The following SLC35F3 variants were observed in gnomAD, a reference collection of about 807,000 sequenced individuals.
The protein encoded by SLC35F3 is putative thiamine transporter SLC35F3.
SLC35F3 carries 25 observed loss-of-function variants against 49.9 expected under a neutral mutation model. That is an observed-to-expected ratio of 0.50 (90% CI 0.37 to 0.70). The LOEUF is 0.70. Ranked by LOEUF, SLC35F3 falls within the 30% of genes least tolerant of loss-of-function variation. The pLI is 0.00. For synonymous variants in SLC35F3, 275 were observed against 265.4 expected (o/e 1.04, Z -0.35); for missense variants, 525 against 639.8 (o/e 0.82, Z 1.94).
At chr1:233,941,526 G>A (rs1471880595) in intron 2 of SLC35F3, among the ~76,000 whole-genome samples, 1 of 152,120 alleles carries the variant, frequency 6.6e-6, no homozygotes, top group Admixed American at 6.5e-5. Context: ...TAAAACAGTG[G>A]CTGATACACA....
At chr1:234,290,759 T>G (rs144975467) in intron 3 of SLC35F3, among the ~76,000 whole-genome samples, 1 of 152,344 alleles carries the variant, frequency 6.6e-6, no homozygotes, top group East Asian at 1.9e-4. Flanking sequence ...TTATAGAGGT[T>G]GAGAGACTTG....
intron 2 of SLC35F3, among the ~76,000 whole-genome samples, chr1:234,135,277 C>T (rs1234370746): frequency 6.6e-6 from 1 of 152,130 alleles, no homozygotes; most frequent in Admixed American, 6.5e-5. Context: ...ATAGATACCC[C>T]ATTTACCATG....
intron 2 of SLC35F3, among the ~76,000 whole-genome samples, chr1:234,024,344 C>T (rs1663944633): frequency 6.6e-6 from 1 of 152,138 alleles, no homozygotes; most frequent in Non-Finnish European, 1.5e-5. Flanking sequence ...GGCCAGACAG[C>T]CTTTGTGCCA....
intron 2 of SLC35F3, among the ~76,000 whole-genome samples, chr1:233,923,497 T>C (rs996845271): frequency 6.6e-6 from 1 of 152,242 alleles, no homozygotes; most frequent in Non-Finnish European, 1.5e-5. Flanking sequence ...ACATTGATTT[T>C]GTATCCTGAG....
At chr1:234,052,907 C>T (rs966561223) in intron 2 of SLC35F3, among the ~76,000 whole-genome samples, 3 of 152,102 alleles carry the variant, frequency 2.0e-5, no homozygotes, top group Middle Eastern at 3.2e-3. Context: ...CCAGTAGTCA[C>T]TCAGGAGCAG....
intron 2 of SLC35F3, among the ~76,000 whole-genome samples, chr1:234,153,388 T>C (rs1047609416): frequency 3.3e-5 from 5 of 152,056 alleles, no homozygotes; most frequent in Admixed American, 1.3e-4. Context: ...TTGGGAGGAC[T>C]GTTTGAGGCC....
intron 2 of SLC35F3, among the ~76,000 whole-genome samples, chr1:234,117,590 T>TAAAA (rs34058556): frequency 7.4e-6 from 1 of 135,964 alleles, no homozygotes; most frequent in Admixed American, 7.4e-5. Context: ...AGACCCTGTC[T>TAAAA]AAAAAAAAAA....
At chr1:234,148,681 T>C (rs1666030863) in intron 2 of SLC35F3, among the ~76,000 whole-genome samples, 1 of 152,182 alleles carries the variant, frequency 6.6e-6, no homozygotes, top group South Asian at 2.1e-4. Context: ...TTACAAAGTA[T>C]AGATGGTGGT....
chr1:234,307,766 A>C (rs938039342), intron 3 of SLC35F3, among the ~76,000 whole-genome samples: 1 of 152,296 alleles, frequency 6.6e-6, no homozygotes, highest in Admixed American at 6.5e-5. Flanking sequence ...GCAGTGCAGC[A>C]CCATGTCCAT....
intron 2 of SLC35F3, among the ~76,000 whole-genome samples, chr1:233,925,847 G>A (rs1662148955): frequency 6.6e-6 from 1 of 152,132 alleles, no homozygotes; most frequent in East Asian, 1.9e-4. Context: ...AAATCTCTGA[G>A]CATTTGCTTG....
rs1304135867 is a variant in SLC35F3, at chr1:234,137,467, T to C, written c.284-93950T>C. On this transcript the variant is annotated intron_variant, in intron 2 of 7. Transcript: ENST00000366618. ...ATGGGAAGAGCACATAGAGCTTGTG[T>C]TGGGGGCAGAAGCCAGTCTGTGGGG... Among the ~76,000 whole-genome samples the C allele has an allele frequency of 3.3e-5, 5 of 152,036 alleles. No homozygotes were observed. In the East Asian group the frequency reaches 9.7e-4, roughly 29 times the overall value.
At chr1:234,305,033 G>A (rs182079658) in intron 3 of SLC35F3, among the ~76,000 whole-genome samples, 2 of 152,170 alleles carry the variant, frequency 1.3e-5, no homozygotes, top group African/African-American at 4.8e-5. Flanking sequence ...TAAAAGAAAA[G>A]CTTCCTTAGC....
intron 2 of SLC35F3, among the ~76,000 whole-genome samples, chr1:234,075,827 T>C (rs1047577918): frequency 6.6e-6 from 1 of 152,254 alleles, no homozygotes; most frequent in Non-Finnish European, 1.5e-5. Flanking sequence ...GTAGCTACTC[T>C]GTGTTCACCT....
intron 2 of SLC35F3, among the ~76,000 whole-genome samples, chr1:234,081,556 C>A (rs1664875531): frequency 6.6e-6 from 1 of 152,130 alleles, no homozygotes; most frequent in Non-Finnish European, 1.5e-5. Context: ...ATTATAACCA[C>A]AGAGCCCTGT....
At chr1:234,139,951 T>TAATAAAATAAAAAAATAAAATAAAATAA (rs1553308862) in intron 2 of SLC35F3, among the ~76,000 whole-genome samples, 1 of 90,564 alleles carries the variant, frequency 1.1e-5, no homozygotes, top group African/African-American at 4.0e-5. Flanking sequence ...CATCTCAAAA[T>TAATAAAATAAAAAAATAAAATAAAATAA]AATAAAATAA....
chr1:234,262,434 C>T lies in SLC35F3; in HGVS notation c.608+30693C>T, dbSNP rs78999696. On this transcript the variant is annotated intron_variant, in intron 3 of 7. Transcript: ENST00000366618. ...GCATTAATGAAAGCCCTCTCCAGTGCCTGGCATGTGGTTGGCACTCAGGAA... is the reference window on the plus strand; with the variant it reads ...GCATTAATGAAAGCCCTCTCCAGTGTCTGGCATGTGGTTGGCACTCAGGAA... 3.2e-3 allele frequency among the ~76,000 whole-genome samples: 486 copies of T among 152,288 alleles called. 11 individuals carry two copies. The East Asian group carries it at 0.077, about 24-fold the overall frequency.
intron 2 of SLC35F3, among the ~76,000 whole-genome samples, chr1:234,104,879 C>T (rs895168645): frequency 1.3e-5 from 2 of 152,226 alleles, no homozygotes; most frequent in Middle Eastern, 6.8e-3. Context: ...GCCTGTAATC[C>T]CAGCACTTTG....
chr1:234,113,788 G>T (rs191543690), intron 2 of SLC35F3, among the ~76,000 whole-genome samples: 2 of 152,306 alleles, frequency 1.3e-5, no homozygotes, highest in South Asian at 2.1e-4. Context: ...GCTTGAACCC[G>T]GGAGGTGGAG....
chr1:234,214,937 C>T lies in SLC35F3; in HGVS notation c.284-16480C>T, dbSNP rs750619653. 1.4e-5 allele frequency: 3 copies of T among 215,480 alleles called. No homozygotes were observed. The highest frequency in any genetic ancestry group is 2.7e-5 in the Non-Finnish European group (3 of 109,606). The allele number at this position is 215,480 out of a possible 1,614,324, so 13.3% of individuals were successfully genotyped here. On this transcript the variant is annotated intron_variant, in intron 2 of 7. Transcript: ENST00000366618. This position sits in a 1 kb window ranked among gnomAD's most constrained non-coding sequence, Gnocchi z 8.0. ...GGGGTCGTCCAGCCGCTCCCAGTGTCCCCTTACCACACACACACTTGAGTT... is the reference window on the plus strand; with the variant it reads ...GGGGTCGTCCAGCCGCTCCCAGTGTTCCCTTACCACACACACACTTGAGTT...
Sources: allele counts gnomAD v4.1 joint callset (sites outside exome capture counted in the v4.1 genomes callset), GRCh38; gene constraint gnomAD v4.1.1; non-coding constraint Gnocchi (gnomAD v3.1); transcripts MANE v1.5; gene names NCBI Gene and HGNC (gene_info 2026-07-23, HGNC 2026-07-21).